Variants in OSBP2 observed in about 807,000 individuals in gnomAD.
The protein encoded by OSBP2 is oxysterol-binding protein 2.
In OSBP2, 66 loss-of-function variants were observed where a neutral mutation model predicts 96.0. The observed-to-expected ratio is 0.69, with a 90% confidence interval of 0.56 to 0.84. The LOEUF (loss-of-function observed/expected upper bound fraction) is 0.84. OSBP2 is among the 40% of genes least tolerant of loss of function. OSBP2 has a pLI of 0.00. For synonymous variants in OSBP2, 525 were observed against 520.9 expected, an observed-to-expected ratio of 1.01 and a Z score of -0.11; for missense variants, 1,038 against 1,222.7, an observed-to-expected ratio of 0.85 and a Z score of 2.25.
chr22:30,730,807 T>A (rs1432534435), intron 1 of OSBP2, among the ~76,000 whole-genome samples: 1 of 44,460 alleles, frequency 2.2e-5, no homozygotes, highest in Non-Finnish European at 4.0e-5. Flanking sequence ...TATATATATA[T>A]AATTTTTTTT....
At chr22:30,716,810 A>G (rs955523405) in intron 1 of OSBP2, among the ~76,000 whole-genome samples, 1 of 152,208 alleles carries the variant, frequency 6.6e-6, no homozygotes, top group Non-Finnish European at 1.5e-5. Flanking sequence ...CATTCTAGAC[A>G]TTAACCCACT....
intron 2 of OSBP2, among the ~76,000 whole-genome samples, chr22:30,867,430 A>G (rs776420333): frequency 1.3e-5 from 2 of 152,164 alleles, no homozygotes; most frequent in Non-Finnish European, 2.9e-5. Context: ...GGAGGAACCC[A>G]TGGGCCTAGG....
upstream of OSBP2, chr22:30,693,971 G>GGA: frequency 2.3e-6 from 2 of 870,910 alleles, no homozygotes; most frequent in Non-Finnish European, 3.4e-6. Flanking sequence ...TCTCAAAAAG[G>GGA]AAAAAAAAAA....
chr22:30,794,028 T>A (rs1466505685), intron 2 of OSBP2, among the ~76,000 whole-genome samples: 1 of 152,138 alleles, frequency 6.6e-6, no homozygotes. Flanking sequence ...AACATGGACA[T>A]CCTTCTATCT....
intron 1 of OSBP2, among the ~76,000 whole-genome samples, chr22:30,728,890 G>C (rs149624162): frequency 7.2e-5 from 11 of 152,244 alleles, no homozygotes; most frequent in African/African-American, 2.6e-4. Context: ...CCATTTGTCT[G>C]TCCATTCTAG....
intron 2 of OSBP2, among the ~76,000 whole-genome samples, chr22:30,817,610 G>A (rs1471381381): frequency 6.6e-6 from 1 of 152,196 alleles, no homozygotes; most frequent in Non-Finnish European, 1.5e-5. Context: ...GAAGACAGGT[G>A]GGTGATGTGG....
intron 12 of OSBP2, among the ~76,000 whole-genome samples, chr22:30,897,303 G>A (rs542611822): frequency 6.6e-6 from 1 of 152,220 alleles, no homozygotes; most frequent in Non-Finnish European, 1.5e-5. Context: ...TCTTTCACTT[G>A]TTGATAGGTC....
At chr22:30,778,169 C>CTTT (rs1569119423) in intron 2 of OSBP2, among the ~76,000 whole-genome samples, 2 of 124,184 alleles carry the variant, frequency 1.6e-5, no homozygotes, top group Non-Finnish European at 3.3e-5. Context: ...TAATTTTTGC[C>CTTT]CTTTTTTTTT....
chr22:30,860,004 G>A lies in OSBP2; in HGVS notation c.854-10425G>A, dbSNP rs1020767445. ...GGACAAATGTGGAGCAAGGGATGGA[G>A]CTGGAACTTGCTATTATGGGACGTT... On this transcript the variant is annotated intron_variant, in intron 2 of 13. Transcript: ENST00000332585. Among the ~76,000 whole-genome samples the A allele has an allele frequency of 1.3e-5, 2 of 152,182 alleles. 1 individual carries two copies. The highest frequency in any genetic ancestry group is 1.3e-4 in the Admixed American group (2 of 15,280).
intron 1 of OSBP2, among the ~76,000 whole-genome samples, chr22:30,719,364 G>A (rs988296620): frequency 4.6e-5 from 7 of 152,080 alleles, no homozygotes; most frequent in Admixed American, 1.3e-4. Context: ...GCCACACACT[G>A]CAGAGATGTG....
chr22:30,893,270 G>T (rs1309565723), intron 9 of OSBP2, 28 bp downstream of exon 9: 2 of 1,613,834 alleles, frequency 1.2e-6, no homozygotes, highest in Admixed American at 1.7e-5. Flanking sequence ...GCCTTCCTGG[G>T]ACACAGAGAC....
At chr22:30,824,106 T>G (rs556381568) in intron 2 of OSBP2, among the ~76,000 whole-genome samples, 4 of 152,328 alleles carry the variant, frequency 2.6e-5, no homozygotes, top group Middle Eastern at 3.4e-3. Flanking sequence ...GAATGTCACC[T>G]TTGTAGGGAA....
At chr22:30,768,239 T>C (rs1022993861) in intron 2 of OSBP2, among the ~76,000 whole-genome samples, 9 of 152,140 alleles carry the variant, frequency 5.9e-5, no homozygotes, top group Admixed American at 5.9e-4. Flanking sequence ...CATGGGACTT[T>C]AGCCTGCCAC....
chr22:30,718,665 A>G (rs1014675635), intron 1 of OSBP2, among the ~76,000 whole-genome samples: 3 of 152,230 alleles, frequency 2.0e-5, no homozygotes, highest in African/African-American at 7.2e-5. Context: ...CCCTGGGGCC[A>G]CAGGCCCTGG....
chr22:30,782,934 C>T (rs975116368), intron 2 of OSBP2, among the ~76,000 whole-genome samples: 1 of 152,016 alleles, frequency 6.6e-6, no homozygotes, highest in African/African-American at 2.4e-5. Context: ...CAGGACAACC[C>T]GAGGAAGTGT....
rs570594309 is a variant in OSBP2, at chr22:30,728,207, T to C, written c.645-12954T>C. 8.8e-4 allele frequency among the ~76,000 whole-genome samples: 134 copies of C among 151,428 alleles called. 1 individual carries two copies. The highest frequency in any genetic ancestry group is 1.5e-3 in the Non-Finnish European group (100 of 67,816). ...GTCAGGAGATAGAGACCATCCTGGCTAACACAGTGAAACCCCATCTCTACT... is the reference window on the plus strand; with the variant it reads ...GTCAGGAGATAGAGACCATCCTGGCCAACACAGTGAAACCCCATCTCTACT... On this transcript the variant is annotated intron_variant, in intron 1 of 13. Transcript: ENST00000332585.
Position 30,694,933 on chromosome 22 carries a change from C to T in OSBP2, c.24C>T (p.Ser8=), listed in dbSNP as rs756583162. The change falls in exon 1 of 14, where the codon AGC becomes AGT. Residue 8 remains serine (S), a synonymous_variant. Coordinates refer to ENST00000332585, the MANE Select transcript of OSBP2 (RefSeq NM_030758.4). MGKAAAP[S]RGGGCGGRSR... ...CTATGGGGAAAGCGGCGGCTCCGAG[C>T]CGAGGCGGCGGCTGTGGCGGCCGCT... 9.6e-4 allele frequency: 1,443 copies of T among 1,499,196 alleles called. 6 individuals carry two copies. The highest frequency in any genetic ancestry group is 1.2e-3 in the Non-Finnish European group (1,378 of 1,134,872). The allele number at this position is 1,499,196 out of a possible 1,614,324, so 92.9% of individuals were successfully genotyped here.
intron 2 of OSBP2, among the ~76,000 whole-genome samples, chr22:30,777,545 G>A (rs2090452925): frequency 6.6e-6 from 1 of 152,140 alleles, no homozygotes; most frequent in Non-Finnish European, 1.5e-5. Context: ...TCTTGGATAT[G>A]TCTTTATCAG....
At chr22:30,767,138 CAAAA>C (rs1156950666) in intron 2 of OSBP2, among the ~76,000 whole-genome samples, 22 of 78,460 alleles carry the variant, frequency 2.8e-4, no homozygotes, top group African/African-American at 3.8e-4. Context: ...ACTAAAAATA[CAAAA>C]AAAAAAAAAA....
Sources: allele counts gnomAD v4.1 joint callset (sites outside exome capture counted in the v4.1 genomes callset), GRCh38; gene constraint gnomAD v4.1.1; transcripts MANE v1.5; gene names NCBI Gene and HGNC (gene_info 2026-07-23, HGNC 2026-07-21).